PRIM2: variants seen among roughly 807,000 people sequenced by gnomAD.
PRIM2 encodes DNA primase large subunit.
Under a neutral mutation model 67.3 loss-of-function variants are expected in PRIM2, and 39 were observed. That is an observed-to-expected ratio of 0.58 (90% CI 0.45 to 0.76). PRIM2 has a LOEUF of 0.76. PRIM2 is among the 30% of genes least tolerant of loss of function. PRIM2 has a pLI of 0.00. For synonymous variants in PRIM2, 143 were observed against 198.7 expected (o/e 0.72, Z 2.36); for missense variants, 398 against 598.7 (o/e 0.66, Z 3.50).
At chr6:57,282,289 A>G in the PRIM2 span, among the ~76,000 whole-genome samples, 1 of 152,190 alleles carries the variant, frequency 6.6e-6, no homozygotes, top group East Asian at 1.9e-4. Context: ...CCGATGCTAA[A>G]CAAATATTTG....
chr6:57,374,393 A>G (rs1769678927), intron 5 of PRIM2, among the ~76,000 whole-genome samples: 1 of 148,846 alleles, frequency 6.7e-6, no homozygotes, highest in Non-Finnish European at 1.5e-5. Flanking sequence ...TCCCGGGTTC[A>G]CGCCATTCTC....
upstream of PRIM2, among the ~76,000 whole-genome samples, chr6:57,311,845 G>A (rs902916962): frequency 2.6e-5 from 4 of 152,176 alleles, no homozygotes; most frequent in South Asian, 2.1e-4. Context: ...CGGTCAACAC[G>A]GCGAAACCCC....
At chr6:57,382,257 ATAAGT>A in intron 7 of PRIM2, 89 bp downstream of exon 7, 1 of 1,384,342 alleles carries the variant, frequency 7.2e-7, no homozygotes, top group South Asian at 1.4e-5. Context: ...TCTCTAGGAA[ATAAGT>A]TAATTCAGTT....
intron 7 of PRIM2, among the ~76,000 whole-genome samples, chr6:57,442,436 G>A (rs976451287): frequency 5.9e-5 from 9 of 151,898 alleles, no homozygotes; most frequent in Admixed American, 1.3e-4. Flanking sequence ...CAAGAAGAAG[G>A]GGACTGAGAT....
At chr6:57,365,829 C>T (rs894970894) in intron 5 of PRIM2, among the ~76,000 whole-genome samples, 2 of 151,470 alleles carry the variant, frequency 1.3e-5, no homozygotes, top group African/African-American at 2.4e-5. Context: ...CATGGTGGCG[C>T]GTTAGCACGC....
chr6:57,334,665 A>G (rs1193696211), intron 5 of PRIM2, among the ~76,000 whole-genome samples: 1 of 152,102 alleles, frequency 6.6e-6, no homozygotes, highest in Non-Finnish European at 1.5e-5. Flanking sequence ...TCTCAAAGAA[A>G]TAAGAGGATA....
intron 11 of PRIM2, among the ~76,000 whole-genome samples, chr6:57,602,870 T>C: frequency 6.6e-6 from 1 of 152,230 alleles, no homozygotes; most frequent in African/African-American, 2.4e-5. Flanking sequence ...AGAGTTGTTT[T>C]AGGTTCACAG....
intron 1 of PRIM2, 83 bp from the exon 2 acceptor site, chr6:57,318,354 G>A: frequency 1.5e-6 from 2 of 1,342,042 alleles, no homozygotes; most frequent in Non-Finnish European, 2.0e-6. Context: ...TGTGTTTGTG[G>A]AATTATTTTT....
In PRIM2 at chr6:57,489,296, C is replaced by T. The variant is rs1232612446; in HGVS notation, c.694-18091C>T. 8.4e-3 allele frequency among the ~76,000 whole-genome samples: 1,285 copies of T among 152,342 alleles called. 19 individuals are homozygous for T. The highest frequency in any genetic ancestry group is 0.03 in the African/African-American group (1,235 of 41,578). ...TTTAGGCCGGGTGCAGTGGCTTACG[C>T]CTGTAATCCCAGCACTTTGGGAGGC... On this transcript the variant is annotated intron_variant, in intron 7 of 13. Coordinates refer to ENST00000615550, the MANE Select transcript of PRIM2 (RefSeq NM_000947.5).
chr6:57,485,150 T>C (rs1470456050), intron 7 of PRIM2, among the ~76,000 whole-genome samples: 6 of 151,824 alleles, frequency 4.0e-5, no homozygotes, highest in African/African-American at 1.2e-4. Flanking sequence ...ATGGTAGAGA[T>C]TGAGATTCCA....
At chr6:57,536,346 C>G (rs1210610023) in intron 9 of PRIM2, among the ~76,000 whole-genome samples, 1 of 152,194 alleles carries the variant, frequency 6.6e-6, no homozygotes, top group Non-Finnish European at 1.5e-5. Context: ...ATTTTTGGCA[C>G]TAAGGCACTA....
At chr6:57,535,262 C>G (rs1430905809) in intron 9 of PRIM2, among the ~76,000 whole-genome samples, 2 of 152,118 alleles carry the variant, frequency 1.3e-5, no homozygotes, top group Non-Finnish European at 2.9e-5. Flanking sequence ...AAATGAGAAG[C>G]TACAGAGCAT....
At chr6:57,548,261 A>G (rs1474834851) in intron 10 of PRIM2, among the ~76,000 whole-genome samples, 5 of 152,206 alleles carry the variant, frequency 3.3e-5, no homozygotes, top group Non-Finnish European at 7.4e-5. Context: ...TGCCAAAGTT[A>G]GAGCAGGAGT....
At chr6:57,458,237 A>G (rs1317933568) in intron 7 of PRIM2, among the ~76,000 whole-genome samples, 4 of 152,218 alleles carry the variant, frequency 2.6e-5, no homozygotes, top group Non-Finnish European at 4.4e-5. Flanking sequence ...AATTTGAAGC[A>G]TTGCAGAAAA....
At chr6:57,634,462 C>T (rs1177334481) in intron 13 of PRIM2, among the ~76,000 whole-genome samples, 1 of 152,218 alleles carries the variant, frequency 6.6e-6, no homozygotes, top group Non-Finnish European at 1.5e-5. Context: ...GGAATCTCGC[C>T]AGATAAGCCA....
chr6:57,380,515 A>G (rs1053090465), intron 6 of PRIM2, among the ~76,000 whole-genome samples: 81 of 152,274 alleles, frequency 5.3e-4, no homozygotes, highest in African/African-American at 1.9e-3. Context: ...TGGCCACCTC[A>G]GTTTCCCCTC....
intron 5 of PRIM2, among the ~76,000 whole-genome samples, chr6:57,339,447 T>C (rs1768390702): frequency 6.6e-6 from 1 of 152,092 alleles, no homozygotes; most frequent in Non-Finnish European, 1.5e-5. Flanking sequence ...ACTACCTGAC[T>C]TCAAACTATA....
intron 8 of PRIM2, among the ~76,000 whole-genome samples, chr6:57,519,198 C>T (rs1554348605): frequency 0.014 from 2,123 of 152,210 alleles, 45 homozygotes; most frequent in African/African-American, 0.048. Context: ...ACCACAGGAC[C>T]GAGGTGAAAT....
At chr6:57,610,360 G>C (rs1163261607) in intron 12 of PRIM2, among the ~76,000 whole-genome samples, 1 of 152,142 alleles carries the variant, frequency 6.6e-6, no homozygotes, top group Non-Finnish European at 1.5e-5. Flanking sequence ...GACCCACCAC[G>C]CCTGGCCAAG....
Sources: allele counts gnomAD v4.1 joint callset (sites outside exome capture counted in the v4.1 genomes callset), GRCh38; gene constraint gnomAD v4.1.1; transcripts MANE v1.5; gene names NCBI Gene and HGNC (gene_info 2026-07-23, HGNC 2026-07-21).